ASTN2: variants seen among roughly 807,000 people sequenced by gnomAD.
The protein encoded by ASTN2 is astrotactin-2.
ASTN2 carries 54 observed loss-of-function variants against 139.8 expected under a neutral mutation model. The ratio of observed to expected loss-of-function variants is 0.39; its 90% CI spans 0.31 to 0.48. The LOEUF (loss-of-function observed/expected upper bound fraction) is 0.48, where lower values mean the gene tolerates loss of function less well. Among genes scored for constraint, ASTN2 ranks in the 20% least tolerant of loss-of-function variants. The pLI, the probability that ASTN2 is intolerant of heterozygous loss-of-function variation, is 0.95. For synonymous variants in ASTN2, 756 were observed against 719.5 expected (o/e 1.05, Z -0.81); for missense variants, 1,565 against 1,725.1 (o/e 0.91, Z 1.64).
intron 2 of ASTN2, among the ~76,000 whole-genome samples, chr9:117,273,688 T>C (rs925114768): frequency 1.1e-4 from 16 of 152,202 alleles, no homozygotes; most frequent in South Asian, 2.1e-4. Flanking sequence ...CCTGCTCTAA[T>C]ATATACCCTT....
chr9:116,629,114 T>A (rs1856605773), intron 17 of ASTN2, among the ~76,000 whole-genome samples: 1 of 47,424 alleles, frequency 2.1e-5, no homozygotes, highest in Non-Finnish European at 3.3e-5. Context: ...CAGTAACTCT[T>A]TTTTTTTTTT....
intron 3 of ASTN2, among the ~76,000 whole-genome samples, chr9:117,187,525 T>G (rs574844143): frequency 6.6e-6 from 1 of 152,214 alleles, no homozygotes; most frequent in East Asian, 1.9e-4. Context: ...ATTAATAGGT[T>G]AATCCACTCA....
chr9:116,860,091 G>A (rs112483128), intron 11 of ASTN2, among the ~76,000 whole-genome samples: 1 of 152,036 alleles, frequency 6.6e-6, no homozygotes, highest in African/African-American at 2.4e-5. Context: ...AAGTGATGCA[G>A]CAGGTACCAG....
At chr9:117,254,596 A>G (rs774821949) in intron 2 of ASTN2, among the ~76,000 whole-genome samples, 22 of 152,264 alleles carry the variant, frequency 1.4e-4, no homozygotes, top group Non-Finnish European at 2.8e-4. Flanking sequence ...GTTGACTACC[A>G]TAACATAAAG....
At chr9:116,889,719 CTACACACACACA>C (rs1833711604) in intron 10 of ASTN2, among the ~76,000 whole-genome samples, 1 of 130,236 alleles carries the variant, frequency 7.7e-6, no homozygotes, top group African/African-American at 2.9e-5. Flanking sequence ...GACCTTGTCT[CTACACACACACA>C]CACACACACA....
chr9:116,523,921 A>C (rs928595650), intron 19 of ASTN2, among the ~76,000 whole-genome samples: 57 of 152,176 alleles, frequency 3.7e-4, no homozygotes, highest in African/African-American at 1.4e-3. Flanking sequence ...ATAAGGAAAT[A>C]ATTCTCTCAG....
Position 117,214,583 on chromosome 9 carries a change from C to A in ASTN2, c.790G>T (p.Ala264Ser). ...CGGGATGAACGGAAGCTCTCCCGCG[C>A]CTGGGGACCCAGCAGCACAGATGGG... is the stretch of plus-strand genomic sequence containing the variant. ...YIPSVLLGPQARESFRSSRLQ... is the reference protein window; with the variant it reads ...YIPSVLLGPQSRESFRSSRLQ... The change falls in exon 3 of 23, where the codon GCG becomes TCG. Residue 264 changes from alanine to serine, a missense_variant. Transcript: ENST00000313400. 1.2e-6 allele frequency: 2 copies of A among 1,608,468 alleles called. No individual in the cohort carries two copies. The highest frequency in any genetic ancestry group is 8.5e-7 in the Non-Finnish European group (1 of 1,175,324).
At chr9:116,482,567 A>G (rs1398830835) in intron 20 of ASTN2, among the ~76,000 whole-genome samples, 5 of 151,974 alleles carry the variant, frequency 3.3e-5, no homozygotes, top group Non-Finnish European at 7.4e-5. Context: ...TAACCTTTCC[A>G]TGTCACAAAT....
chr9:117,113,903 TG>T (rs1829311829), intron 4 of ASTN2, among the ~76,000 whole-genome samples: 1 of 152,168 alleles, frequency 6.6e-6, no homozygotes, highest in Non-Finnish European at 1.5e-5. Context: ...AGGAATCTTT[TG>T]GGGGTGAAGG....
At chr9:116,595,587 A>G (rs1056527963) in intron 19 of ASTN2, among the ~76,000 whole-genome samples, 1 of 151,946 alleles carries the variant, frequency 6.6e-6, no homozygotes, top group Non-Finnish European at 1.5e-5. Context: ...AACCTCCCAA[A>G]GTGCTGGGAT....
chr9:117,216,220 C>T (rs964158505), intron 2 of ASTN2, among the ~76,000 whole-genome samples: 1 of 152,176 alleles, frequency 6.6e-6, no homozygotes, highest in African/African-American at 2.4e-5. Flanking sequence ...TGAAATGGGT[C>T]AGCCATCCTG....
intron 3 of ASTN2, among the ~76,000 whole-genome samples, chr9:117,181,979 A>G (rs967641237): frequency 2.0e-5 from 3 of 152,008 alleles, no homozygotes; most frequent in Admixed American, 6.6e-5. Context: ...TCCCCACCCC[A>G]TGCTGCCACC....
At chr9:116,861,878 G>A (rs1176963075) in intron 11 of ASTN2, among the ~76,000 whole-genome samples, 1 of 152,098 alleles carries the variant, frequency 6.6e-6, no homozygotes, top group African/African-American at 2.4e-5. Context: ...AAGGAAAGCA[G>A]AGCTAAGATA....
chr9:116,803,348 C>T (rs1588305745), intron 13 of ASTN2, among the ~76,000 whole-genome samples: 1 of 147,662 alleles, frequency 6.8e-6, no homozygotes, highest in South Asian at 2.1e-4. Flanking sequence ...CAAGTGTTCA[C>T]TCTGTTGCCC....
chr9:116,448,341 G>A (rs1588068805), intron 20 of ASTN2, among the ~76,000 whole-genome samples: 1 of 151,624 alleles, frequency 6.6e-6, no homozygotes, highest in Non-Finnish European at 1.5e-5. Context: ...GGGGCAGTAG[G>A]AAAAGCACCT....
At chr9:117,351,636 T>C (rs1829391879) in intron 1 of ASTN2, among the ~76,000 whole-genome samples, 1 of 152,182 alleles carries the variant, frequency 6.6e-6, no homozygotes. Context: ...TCTGCATATA[T>C]AGGTGGCCAA....
chr9:117,211,689 T>TA lies in ASTN2; in HGVS notation c.1015+2668dup, dbSNP rs542426769. 2.8e-3 allele frequency among the ~76,000 whole-genome samples: 423 copies of TA among 152,136 alleles called. 2 individuals carry two copies. The highest frequency in any genetic ancestry group is 9.7e-3 in the African/African-American group (401 of 41,478). ...TGAGAACAGACTAATAACTAACTGA[T>TA]AAAAAAATTCGGAAAAGTTCTAGGA... is the stretch of plus-strand genomic sequence containing the variant. On this transcript the variant is annotated intron_variant, in intron 3 of 22. Coordinates refer to ENST00000313400, the MANE Select transcript of ASTN2 (RefSeq NM_001365068.1).
chr9:116,789,419 G>A (rs1485330286), intron 13 of ASTN2, among the ~76,000 whole-genome samples: 1 of 152,162 alleles, frequency 6.6e-6, no homozygotes, highest in African/African-American at 2.4e-5. Context: ...GAGGATCTCA[G>A]GCAACATAAA....
intron 19 of ASTN2, among the ~76,000 whole-genome samples, chr9:116,543,140 T>C (rs1311611559): frequency 6.6e-6 from 1 of 151,368 alleles, no homozygotes; most frequent in Admixed American, 6.6e-5. Context: ...ATAGAAAAAA[T>C]TGAAAGAAAA....
Sources: gnomAD v4.1 joint callset for allele counts (sites outside exome capture counted in the v4.1 genomes callset) on GRCh38, gnomAD v4.1.1 for gene constraint, MANE v1.5 for transcripts, NCBI Gene and HGNC (gene_info 2026-07-23, HGNC 2026-07-21) for gene names.